Variants in AGTR1 observed in about 807,000 individuals in gnomAD.
AGTR1 encodes angiotensin II receptor type 1.
Under a neutral mutation model 19.4 loss-of-function variants are expected in AGTR1, and 16 were observed. That is an observed-to-expected ratio of 0.82 (90% CI 0.56 to 1.25). The LOEUF (loss-of-function observed/expected upper bound fraction) is 1.25. AGTR1 is among the 50% of genes most tolerant of loss of function. The probability of loss-of-function intolerance (pLI) is 0.00; values close to 1 mark genes in which losing one functional copy is unlikely to be tolerated. For synonymous variants in AGTR1, 153 were observed against 154.9 expected (o/e 0.99, Z 0.09); for missense variants, 373 against 431.9 (o/e 0.86, Z 1.21).
In AGTR1 at chr3:148,742,042, C is replaced by A. The variant is rs767462753; in HGVS notation, c.1007C>A (p.Thr336Lys). The part of the protein sequence containing the change: ...SHSNLSTKMS[T>K]LSYRPSDNVS... ...TCAAACCTTTCAACAAAAATGAGCA[C>A]GCTTTCCTACCGCCCCTCAGATAAT... The change falls in exon 3 of 3, where the codon ACG (threonine) becomes AAG (lysine). Residue 336 changes from threonine to lysine, a missense_variant. Transcript: ENST00000349243. 4 of 1,613,988 alleles carry A rather than the reference C, an allele frequency of 2.5e-6. No homozygotes were observed. Among genetic ancestry groups the A allele is most frequent in the Non-Finnish European group, 3.4e-6 (4 of 1,180,002 alleles).
At chr3:148,739,138 C>G (rs566772364) in intron 2 of AGTR1, among the ~76,000 whole-genome samples, 12 of 152,170 alleles carry the variant, frequency 7.9e-5, no homozygotes, top group African/African-American at 2.7e-4. Flanking sequence ...GCGGGTGGAT[C>G]ACCCGAAGTC....
At chr3:148,718,846 T>C (rs1356174990) in intron 2 of AGTR1, among the ~76,000 whole-genome samples, 1 of 152,228 alleles carries the variant, frequency 6.6e-6, no homozygotes, top group Non-Finnish European at 1.5e-5. Flanking sequence ...TTTAAATATA[T>C]TGAGATAAAA....
At chr3:148,740,740 T>C (rs1714826659) in intron 2 of AGTR1, among the ~76,000 whole-genome samples, 1 of 152,240 alleles carries the variant, frequency 6.6e-6, no homozygotes, top group South Asian at 2.1e-4. Context: ...GATAGGTTTA[T>C]TCACATAGAA....
intron 1 of AGTR1, among the ~76,000 whole-genome samples, chr3:148,699,473 G>C (rs551204238): frequency 6.6e-6 from 1 of 152,184 alleles, no homozygotes; most frequent in African/African-American, 2.4e-5. Context: ...TGTATTCCCG[G>C]GTGCCCTGGT....
intron 2 of AGTR1, among the ~76,000 whole-genome samples, chr3:148,737,011 G>A (rs936658585): frequency 1.3e-5 from 2 of 151,996 alleles, no homozygotes; most frequent in Non-Finnish European, 2.9e-5. Flanking sequence ...ACCAGCATCC[G>A]TTCAGCTTCA....
At chr3:148,734,855 C>T (rs779105037) in intron 2 of AGTR1, among the ~76,000 whole-genome samples, 10 of 152,160 alleles carry the variant, frequency 6.6e-5, no homozygotes, top group Non-Finnish European at 1.5e-4. Flanking sequence ...TCATCAAAAG[C>T]CATGACTATA....
intron 2 of AGTR1, among the ~76,000 whole-genome samples, chr3:148,724,618 C>T (rs1713828622): frequency 6.6e-6 from 1 of 152,136 alleles, no homozygotes; most frequent in Non-Finnish European, 1.5e-5. Flanking sequence ...CTTTCTATAG[C>T]AGACATTTTT....
At chr3:148,723,222 T>G (rs550711642) in intron 2 of AGTR1, among the ~76,000 whole-genome samples, 1 of 152,336 alleles carries the variant, frequency 6.6e-6, no homozygotes, top group Non-Finnish European at 1.5e-5. Context: ...AGGAAATACA[T>G]TAGTATCAAA....
At chr3:148,728,591 A>G (rs547207968) in intron 2 of AGTR1, among the ~76,000 whole-genome samples, 1 of 152,188 alleles carries the variant, frequency 6.6e-6, no homozygotes, top group Non-Finnish European at 1.5e-5. Context: ...GTAGTTAATG[A>G]TCCAGAAATA....
chr3:148,717,053 C>T (rs2107942204), intron 2 of AGTR1, among the ~76,000 whole-genome samples: 1 of 152,244 alleles, frequency 6.6e-6, no homozygotes, highest in Non-Finnish European at 1.5e-5. Flanking sequence ...AGGGCAAAAA[C>T]TTTGGGGAAA....
intron 2 of AGTR1, among the ~76,000 whole-genome samples, chr3:148,723,338 A>G (rs923909370): frequency 6.6e-5 from 10 of 152,234 alleles, no homozygotes; most frequent in African/African-American, 2.2e-4. Context: ...AAATATTTTC[A>G]GTATTTATTT....
chr3:148,718,508 G>A (rs889301249), intron 2 of AGTR1, among the ~76,000 whole-genome samples: 1 of 152,142 alleles, frequency 6.6e-6, no homozygotes, highest in Non-Finnish European at 1.5e-5. Context: ...AAAATCTCCA[G>A]GTGAACATGG....
chr3:148,741,082 A>G lies in AGTR1; in HGVS notation c.47A>G (p.Asp16Gly), dbSNP rs1693495472. ...STEDGIKRIQ[D>G]DCPKAGRHNY... ...GAAGATGGTATTAAAAGAATCCAAG[A>G]TGATTGTCCCAAAGCTGGAAGGCAT... Residue 16 changes from aspartate (D) to glycine (G), a missense_variant, in exon 3 of 3, where the codon GAT becomes GGT. Asp to Gly is a moderately conservative substitution (Grantham distance 94). Coordinates refer to ENST00000349243, the MANE Select transcript of AGTR1 (RefSeq NM_000685.5). 1 of 1,613,924 alleles carries G rather than the reference A, an allele frequency of 6.2e-7. No individual in the cohort carries two copies. The highest frequency in any genetic ancestry group is 8.5e-7 in the Non-Finnish European group (1 of 1,179,928).
At chr3:148,706,561 TATC>T (rs1288351618) in intron 1 of AGTR1, among the ~76,000 whole-genome samples, 1 of 152,000 alleles carries the variant, frequency 6.6e-6, no homozygotes. Context: ...TAAACAAAGT[TATC>T]ATCTAAACAA....
chr3:148,740,887 A>T (rs1714832469), intron 2 of AGTR1, 102 bp from the exon 3 acceptor site: 1 of 1,062,370 alleles, frequency 9.4e-7, no homozygotes, highest in Admixed American at 2.5e-5. Context: ...TCCTAAGACT[A>T]AAGTTGAGTT....
chr3:148,702,018 C>T (rs2107923996), intron 1 of AGTR1, among the ~76,000 whole-genome samples: 2 of 143,892 alleles, frequency 1.4e-5, no homozygotes, highest in East Asian at 4.0e-4. Flanking sequence ...TGCTCTGTTG[C>T]CCAGGCTGGC....
intron 2 of AGTR1, among the ~76,000 whole-genome samples, chr3:148,715,082 TTG>T (rs1202054236): frequency 1.3e-5 from 2 of 152,330 alleles, no homozygotes; most frequent in East Asian, 3.9e-4. Flanking sequence ...ATATTTGGGA[TTG>T]TGTGTGTATC....
chr3:148,739,631 A>C (rs1714761967), intron 2 of AGTR1, among the ~76,000 whole-genome samples: 3 of 152,216 alleles, frequency 2.0e-5, no homozygotes, highest in Admixed American at 2.0e-4. Flanking sequence ...ACTCCTTCAC[A>C]TGTGTTATGT....
rs940941008 is a variant in AGTR1 at position 148,716,262 on chromosome 3, C to T, written c.-48+8235C>T. On this transcript the variant is annotated intron_variant, in intron 2 of 2. Transcript: ENST00000349243. The surrounding 1 kb of genome is among the most constrained non-coding windows in gnomAD (Gnocchi z 4.7). ...GGAACCATACTTCTCTCATGGAAGC[C>T]CTGGTCTCACAGAACTAAAAAGGAG... Among the ~76,000 whole-genome samples, 2 of 152,032 alleles carry T rather than the reference C, an allele frequency of 1.3e-5. No homozygotes were observed. The highest frequency in any genetic ancestry group is 6.6e-5 in the Admixed American group (1 of 15,254).
Sources: gnomAD v4.1 joint callset for allele counts (sites outside exome capture counted in the v4.1 genomes callset) on GRCh38, gnomAD v4.1.1 for gene constraint, Gnocchi (gnomAD v3.1) non-coding constraint, MANE v1.5 for transcripts, NCBI Gene and HGNC (gene_info 2026-07-23, HGNC 2026-07-21) for gene names.